HCN4: variants seen among roughly 807,000 people sequenced by gnomAD.
The protein encoded by HCN4 is hyperpolarization activated cyclic nucleotide gated potassium channel 4.
HCN4 carries 29 observed loss-of-function variants against 76.9 expected under a neutral mutation model. That is an observed-to-expected ratio of 0.38 (90% CI 0.28 to 0.51). HCN4 has a LOEUF of 0.51. Ranked by LOEUF, HCN4 falls within the 20% of genes least tolerant of loss-of-function variation. The pLI is 0.90. For missense variants in HCN4, 1,416 were observed against 1,715.2 expected, an observed-to-expected ratio of 0.83 and a Z score of 3.08; for synonymous variants, 772 against 762.5, an observed-to-expected ratio of 1.01 and a Z score of -0.21.
At chr15:73,332,090 C>T (rs2042936637) in intron 3 of HCN4, 41 bp downstream of exon 3, 2 of 1,604,840 alleles carry the variant, frequency 1.2e-6, no homozygotes, top group South Asian at 1.1e-5. Context: ...CTGGAGAGCC[C>T]GCCTATGGCC....
chr15:73,354,183 A>G (rs1442155200), intron 1 of HCN4, among the ~76,000 whole-genome samples: 1 of 152,164 alleles, frequency 6.6e-6, no homozygotes, highest in African/African-American at 2.4e-5. Context: ...TCAATATTTG[A>G]GGAACAAAGT....
intron 1 of HCN4, among the ~76,000 whole-genome samples, chr15:73,352,609 CCTGA>C (rs1415714575): frequency 1.3e-5 from 2 of 152,146 alleles, no homozygotes; most frequent in Non-Finnish European, 2.9e-5. Flanking sequence ...CAACCAGGGC[CCTGA>C]CTGTGTTTCC....
At chr15:73,332,404 A>C (rs951935806) in intron 2 of HCN4, 112 bp from the exon 3 acceptor site, 5 of 1,098,624 alleles carry the variant, frequency 4.6e-6, no homozygotes, top group Non-Finnish European at 6.9e-6. Context: ...TGGACTCTGC[A>C]GGGCGCCCAC....
chr15:73,368,505 G>C lies in HCN4; in HGVS notation c.-235C>G, dbSNP rs1159955943. ...CTCCTCCCGGGCCCGGCTGGGCGCG[G>C]GGACCCCGCGCTCCCTTCTTGCCTC... On this transcript the variant is annotated 5_prime_UTR_variant, in exon 1 of 8. Transcript: ENST00000261917. This position sits in a 1 kb window ranked among gnomAD's most constrained non-coding sequence, Gnocchi z 6.9. The C allele has an allele frequency of 1.2e-5, 4 of 333,448 alleles. No individual in the cohort carries two copies. The highest frequency in any genetic ancestry group is 2.2e-5 in the Non-Finnish European group (4 of 185,096). 20.7% of individuals were successfully genotyped at this position (333,448 alleles called of 1,614,324 possible).
At chr15:73,339,348 G>GACTA (rs1440662618) in intron 2 of HCN4, among the ~76,000 whole-genome samples, 8 of 152,192 alleles carry the variant, frequency 5.3e-5, no homozygotes, top group Non-Finnish European at 1.2e-4. Flanking sequence ...CAACACTTAG[G>GACTA]AGATCTCCTG....
chr15:73,342,533 C>T (rs2043011183), intron 2 of HCN4: 1 of 152,314 alleles, frequency 6.6e-6, no homozygotes, highest in East Asian at 1.9e-4. Context: ...CTTGCCCTGA[C>T]TGGGACAACT....
At position 73,343,901 on chromosome 15, in the gene HCN4, G is replaced by T; in HGVS notation, c.786-93C>A. The T allele has an allele frequency of 7.3e-7, 1 of 1,377,718 alleles. No homozygotes were observed. Among genetic ancestry groups the T allele is most frequent in the South Asian group, 1.2e-5 (1 of 85,628 alleles). The allele number at this position is 1,377,718 out of a possible 1,614,324, so 85.3% of individuals were successfully genotyped here. On this transcript the variant is annotated intron_variant, in intron 1 of 7. Transcript: ENST00000261917. This position sits in a 1 kb window ranked among gnomAD's most constrained non-coding sequence, Gnocchi z 5.7. Reference sequence around the variant, plus strand: ...GATCTGAGGGACAGCATCTGGGACAGAGAAGTCTTGGGAGGTTCTGAGACA... The same window carrying T: ...GATCTGAGGGACAGCATCTGGGACATAGAAGTCTTGGGAGGTTCTGAGACA...
Position 73,323,826 on chromosome 15 carries a change from G to A in HCN4, c.2267C>T (p.Ala756Val), listed in dbSNP as rs745617328. 8 of 1,606,046 alleles carry A rather than the reference G, an allele frequency of 5.0e-6. No homozygotes were observed. Among genetic ancestry groups the A allele is most frequent in the East Asian group, 2.2e-5 (1 of 44,888 alleles). ...AGAGGCAGCAGCCTGGACGCGGTGCGCGCAGTGGGCCATCTCCCGGTCATG... is the reference window on the plus strand; with the variant it reads ...AGAGGCAGCAGCCTGGACGCGGTGCACGCAGTGGGCCATCTCCCGGTCATG... ...VQHDREMAHC[A>V]HRVQAAASAT... The change falls in exon 8 of 8, where the codon GCG (alanine) becomes GTG (valine). Residue 756 changes from alanine to valine, a missense_variant. Around this residue, in one of 6 missense-constraint regions of HCN4, gnomAD observed 241 missense variants for 379.4 expected, o/e 0.64. Transcript: ENST00000261917.
chr15:73,349,568 CT>C (rs1012714524), intron 1 of HCN4, among the ~76,000 whole-genome samples: 6 of 152,102 alleles, frequency 3.9e-5, no homozygotes, highest in African/African-American at 1.4e-4. Context: ...CCCCAAGCTC[CT>C]TGTCTCCCTC....
intron 1 of HCN4, among the ~76,000 whole-genome samples, chr15:73,353,530 G>A (rs1416124925): frequency 1.3e-5 from 2 of 152,146 alleles, no homozygotes; most frequent in African/African-American, 4.8e-5. Flanking sequence ...TGACACGCAT[G>A]AGGATGCCTT....
chr15:73,343,080 T>C lies in HCN4; in HGVS notation c.1209+305A>G, dbSNP rs2043014125. On this transcript the variant is annotated intron_variant, in intron 2 of 7. Transcript: ENST00000261917. The surrounding 1 kb of genome is among the most constrained non-coding windows in gnomAD (Gnocchi z 5.7). ...AAGTTCACATTCCAGGTTCACAAAT[T>C]ACTAATCATGCAACCTTGTATAAGT... Among the ~76,000 whole-genome samples the C allele has an allele frequency of 6.6e-6, 1 of 152,240 alleles. No individual in the cohort carries two copies. The highest frequency in any genetic ancestry group is 1.5e-5 in the Non-Finnish European group (1 of 68,048).
chr15:73,340,780 C>T (rs1055491334), intron 2 of HCN4, among the ~76,000 whole-genome samples: 2 of 152,374 alleles, frequency 1.3e-5, no homozygotes, highest in Non-Finnish European at 1.5e-5. Flanking sequence ...CCGGCAAGCA[C>T]TTGCTGGACT....
At position 73,325,018 on chromosome 15, in the gene HCN4, C is replaced by T. The variant is rs563194186; in HGVS notation, c.1915G>A (p.Val639Met). The T allele has an allele frequency of 2.8e-5, 46 of 1,614,192 alleles. 1 individual carries two copies. In the South Asian group the frequency reaches 3.4e-4, roughly 12 times the overall value. The change falls in exon 6 of 8, where the codon GTG (valine) becomes ATG (methionine). Residue 639 changes from valine (V) to methionine (M), a missense_variant. Around this residue, in one of 6 missense-constraint regions of HCN4, gnomAD observed 241 missense variants for 379.4 expected, o/e 0.64. Coordinates refer to ENST00000261917, the MANE Select transcript of HCN4 (RefSeq NM_005477.3). The surrounding 1 kb of genome is among the most constrained non-coding windows in gnomAD (Gnocchi z 7.4). Reference sequence around the variant, plus strand: ...TTGCCCTTGGTGAGCACGCTGACCACGCCATGCTGGATGAAGTACATCTTC... The same window carrying T: ...TTGCCCTTGGTGAGCACGCTGACCATGCCATGCTGGATGAAGTACATCTTC... ...GKKMYFIQHGVVSVLTKGNKE... is the reference protein window; with the variant it reads ...GKKMYFIQHGMVSVLTKGNKE...
Position 73,332,271 on chromosome 15 carries a change from G to C in HCN4, c.1231C>G (p.Leu411Val). The C allele has an allele frequency of 6.2e-7, 1 of 1,614,236 alleles. No individual in the cohort carries two copies. The highest frequency in any genetic ancestry group is 1.7e-5 in the Admixed American group (1 of 60,032). ...WEEIFHMTYD[L>V]ASAVVRIVNL... ...ACGATGCGCACCACGGCGCTGGCCA[G>C]GTCGTAGGTCATGTGGAAGATCTGC... is the stretch of plus-strand genomic sequence containing the variant. The change falls in exon 3 of 8, where the codon CTG becomes GTG. Residue 411 changes from leucine (L) to valine (V), a missense_variant. Physicochemically the swap from Leu to Val is conservative, Grantham distance 32. This residue lies in a region of HCN4 where 112 missense variants were observed against 259.9 expected (regional missense o/e 0.43). Transcript: ENST00000261917.
chr15:73,323,582 C>T lies in HCN4; in HGVS notation c.2511G>A (p.Leu837=). 1 of 1,601,110 alleles carries T rather than the reference C, an allele frequency of 6.2e-7. No individual in the cohort carries two copies. Among genetic ancestry groups the T allele is most frequent in the African/African-American group, 1.3e-5 (1 of 75,044 alleles). The change falls in exon 8 of 8, where the codon CTG becomes CTA. Residue 837 remains leucine, a synonymous_variant. Transcript: ENST00000261917. The stretch of plus-strand genomic sequence containing the variant: ...GGCTGCTGGCGGGCGAGGCGGAGCC[C>T]AGCGCAGAAGGGATCAGGGACTGCA... ...KRLQSLIPSA[L]GSASPASSPS...
Position 73,362,850 on chromosome 15 carries a change from G to A in HCN4, c.785+4636C>T, listed in dbSNP as rs373934061. Among the ~76,000 whole-genome samples the A allele has an allele frequency of 2.0e-5, 3 of 152,340 alleles. No homozygotes were observed. The East Asian group carries it at 5.8e-4, about 29-fold the overall frequency. On this transcript the variant is annotated intron_variant, in intron 1 of 7. Coordinates refer to ENST00000261917, the MANE Select transcript of HCN4 (RefSeq NM_005477.3). ...TGTAGCCACCAGACCAGGAACTTGA[G>A]CCTTGCAGCAGGGAGAACCTGGAGC...
intron 2 of HCN4, chr15:73,340,926 T>C (rs1449451191): frequency 6.6e-6 from 1 of 152,232 alleles, no homozygotes; most frequent in Admixed American, 6.5e-5. Context: ...CCAAAAGCCC[T>C]ACCACTGGGG....
chr15:73,331,350 A>G (rs2680333), intron 3 of HCN4, among the ~76,000 whole-genome samples: 137,894 of 152,150 alleles, frequency 0.91, 62,911 homozygotes, highest in Non-Finnish European at 0.95. Flanking sequence ...TATGTTGGCG[A>G]GTGGGGGCAG....
intron 1 of HCN4, among the ~76,000 whole-genome samples, chr15:73,352,702 C>T (rs2043060289): frequency 6.6e-6 from 1 of 152,188 alleles, no homozygotes; most frequent in Non-Finnish European, 1.5e-5. Flanking sequence ...CCCCTTGGCC[C>T]TCCTCTACCC....
Sources: allele counts gnomAD v4.1 joint callset (sites outside exome capture counted in the v4.1 genomes callset), GRCh38; gene constraint gnomAD v4.1.1; regional missense constraint gnomAD v4.1.1; non-coding constraint Gnocchi (gnomAD v3.1); transcripts MANE v1.5; gene names NCBI Gene and HGNC (gene_info 2026-07-23, HGNC 2026-07-21).